The following MYH10 variants were observed in gnomAD, a reference collection of about 807,000 sequenced individuals.
MYH10 encodes myosin-10.
In MYH10, 55 loss-of-function variants were observed where a neutral mutation model predicts 257.8. That is an observed-to-expected ratio of 0.21 (90% CI 0.17 to 0.27). The LOEUF (loss-of-function observed/expected upper bound fraction) is 0.27, where lower values mean the gene tolerates loss of function less well. MYH10 is among the 10% of genes least tolerant of loss of function. The pLI, the probability that MYH10 is intolerant of heterozygous loss-of-function variation, is 1.00. For synonymous variants in MYH10, 854 were observed against 921.7 expected (o/e 0.93, Z 1.33); for missense variants, 1,631 against 2,500.6 (o/e 0.65, Z 7.42).
intron 7 of MYH10, among the ~76,000 whole-genome samples, chr17:8,556,977 A>G (rs1403783988): frequency 3.9e-5 from 6 of 152,130 alleles, no homozygotes; most frequent in African/African-American, 1.4e-4. Flanking sequence ...TCCCTATTAA[A>G]GTGAAAGCCG....
In MYH10 at chr17:8,493,802, C is replaced by G. The variant is rs142585848; in HGVS notation, c.4140G>C (p.Gln1380His). ...CCTCCTCCTCCTCCTCCTGCTGCTC[C>G]TGAAGACTGTTCTTCTCCTCTTCCA... ...RQLEEEKNSL[Q>H]EQQEEEEEAR... The change falls in exon 32 of 43, where the codon CAG becomes CAC. Residue 1380 changes from glutamine (Q) to histidine (H), a missense_variant. Gln to His is a conservative substitution (Grantham distance 24, BLOSUM62 0). This residue lies in a region of MYH10 where 463 missense variants were observed against 621.8 expected (regional missense o/e 0.74). Coordinates refer to ENST00000360416, the MANE Select transcript of MYH10 (RefSeq NM_001256012.3). The G allele has an allele frequency of 1.9e-4, 306 of 1,614,092 alleles. 1 individual carries two copies. The African/African-American group carries it at 3.7e-3, about 20-fold the overall frequency.
intron 2 of MYH10, among the ~76,000 whole-genome samples, 171 bp downstream of exon 2, chr17:8,622,731 G>T (rs774214193): frequency 2.0e-5 from 3 of 152,146 alleles, no homozygotes; most frequent in Non-Finnish European, 4.4e-5. Flanking sequence ...AAGATTCAAA[G>T]AAAAGCAAGA....
intron 2 of MYH10, among the ~76,000 whole-genome samples, chr17:8,607,609 A>T (rs1348684322): frequency 6.6e-6 from 1 of 152,240 alleles, no homozygotes; most frequent in African/African-American, 2.4e-5. Context: ...CTGATCACTG[A>T]ATAGATACTG....
In MYH10 at chr17:8,571,729, G is replaced by A. The variant is rs75899421; in HGVS notation, c.664-1917C>T. ...GCAGAGATCGCACCACTGCACTCCA[G>A]CCTGGGAGAAAGAGCGAGAGACTCA... On this transcript the variant is annotated intron_variant, in intron 6 of 42. Coordinates refer to ENST00000360416, the MANE Select transcript of MYH10 (RefSeq NM_001256012.3). 8.7e-3 allele frequency among the ~76,000 whole-genome samples: 1,330 copies of A among 152,052 alleles called. 16 individuals are homozygous for A. The highest frequency in any genetic ancestry group is 0.031 in the African/African-American group (1,275 of 41,488).
rs1241193869 is a variant in MYH10, at chr17:8,480,329, G to C, written c.5389-11C>G. ...GTTCAGTGTGTCCACCTAGAGAGGA[G>C]AGAGGAGTTTAGTCACTTGTGCCTG... On this transcript the variant is annotated splice_polypyrimidine_tract_variant and intron_variant, in intron 39 of 42. Transcript: ENST00000360416. 5.6e-6 allele frequency: 9 copies of C among 1,613,828 alleles called. No individual in the cohort carries two copies. The highest frequency in any genetic ancestry group is 1.1e-5 in the South Asian group (1 of 91,072).
In MYH10 at chr17:8,490,439, A is replaced by T; in HGVS notation, c.4785T>A (p.Arg1595=). 6.2e-7 allele frequency: 1 copy of T among 1,614,194 alleles called. No homozygotes were observed. Among genetic ancestry groups the T allele is most frequent in the Non-Finnish European group, 8.5e-7 (1 of 1,180,032 alleles). The change falls in exon 35 of 43, where the codon CGT becomes CGA. Residue 1595 remains arginine, a synonymous_variant. Coordinates refer to ENST00000360416, the MANE Select transcript of MYH10 (RefSeq NM_001256012.3). This position sits in a 1 kb window ranked among gnomAD's most constrained non-coding sequence, Gnocchi z 4.1. ...ELQATEDAKL[R]LEVNMQAMKA... is the part of the protein sequence containing the mutation. Reference sequence around the variant, plus strand: ...TCATGGCCTGCATGTTGACCTCCAGACGAAGCTTGGCATCTTCCGTGGCCT... The same window carrying T: ...TCATGGCCTGCATGTTGACCTCCAGTCGAAGCTTGGCATCTTCCGTGGCCT...
At chr17:8,479,794 T>C (rs7223720) in intron 40 of MYH10, among the ~76,000 whole-genome samples, 146,996 of 152,328 alleles carry the variant, frequency 0.96, 71,153 homozygotes, top group East Asian at 1. Flanking sequence ...TGGCAGCAAA[T>C]TAGCATTTCA....
chr17:8,522,103 C>T (rs769745434), intron 17 of MYH10, among the ~76,000 whole-genome samples: 34 of 152,174 alleles, frequency 2.2e-4, no homozygotes, highest in Non-Finnish European at 4.3e-4. Context: ...TGTACATATC[C>T]TCTTATTGAA....
At chr17:8,539,430 T>C (rs2082232796) in intron 14 of MYH10, among the ~76,000 whole-genome samples, 1 of 152,136 alleles carries the variant, frequency 6.6e-6, no homozygotes, top group African/African-American at 2.4e-5. Flanking sequence ...GAGCATCAGT[T>C]AGAGTCATAC....
rs117840360 is a variant in MYH10 at position 8,576,350 on chromosome 17, C to A, written c.663+293G>T. Among the ~76,000 whole-genome samples, 63 of 152,134 alleles carry A rather than the reference C, an allele frequency of 4.1e-4. No homozygotes were observed. The East Asian group carries it at 0.012, about 28-fold the overall frequency. ...TCTGATAAGTATTAAAATAATTCCA[C>A]CTAGTAAATGACATATGAAACCATA... On this transcript the variant is annotated intron_variant, in intron 6 of 42. Coordinates refer to ENST00000360416, the MANE Select transcript of MYH10 (RefSeq NM_001256012.3).
intron 7 of MYH10, chr17:8,560,343 C>T (rs2082946232): frequency 4.4e-5 from 10 of 225,866 alleles, no homozygotes; most frequent in South Asian, 3.7e-4. Context: ...TGTTATTTAC[C>T]GTATATTTAG....
chr17:8,479,014 G>A (rs1416300876), intron 40 of MYH10, among the ~76,000 whole-genome samples: 1 of 152,196 alleles, frequency 6.6e-6, no homozygotes, highest in African/African-American at 2.4e-5. Flanking sequence ...TTACAGCCGT[G>A]AGCCAGCGCA....
Position 8,495,258 on chromosome 17 carries a change from A to G in MYH10, c.3952-17T>C. 1 of 1,501,152 alleles carries G rather than the reference A, an allele frequency of 6.7e-7. No homozygotes were observed. Among genetic ancestry groups the G allele is most frequent in the Non-Finnish European group, 9.3e-7 (1 of 1,078,876 alleles). 93.0% of individuals were successfully genotyped at this position (1,501,152 alleles called of 1,614,324 possible). On this transcript the variant is annotated splice_polypyrimidine_tract_variant and intron_variant, in intron 30 of 42. Coordinates refer to ENST00000360416, the MANE Select transcript of MYH10 (RefSeq NM_001256012.3). ...TAGCTCATTCTGTAAGGAGCAGAAGATTAAATTCAACTCAATAGTAAGCAA... is the reference window on the plus strand; with the variant it reads ...TAGCTCATTCTGTAAGGAGCAGAAGGTTAAATTCAACTCAATAGTAAGCAA...
Position 8,495,143 on chromosome 17 carries a change from A to G in MYH10, c.4050T>C (p.Asp1350=), listed in dbSNP as rs752875996. Residue 1350 remains aspartate, a synonymous_variant, in exon 31 of 43, where the codon GAT becomes GAC. Coordinates refer to ENST00000360416, the MANE Select transcript of MYH10 (RefSeq NM_001256012.3). The stretch of plus-strand genomic sequence containing the variant: ...CTTGCTCCCCAGGGAATACCTGTGT[A>G]TCCTGTAGTTGAGACTCAAGACTAG... ...DAASLESQLQ[D]TQELLQEETR... 5 of 1,589,136 alleles carry G rather than the reference A, an allele frequency of 3.1e-6. No individual in the cohort carries two copies. Among genetic ancestry groups the G allele is most frequent in the African/African-American group, 1.3e-5 (1 of 74,532 alleles).
At position 8,535,746 on chromosome 17, in the gene MYH10, A is replaced by C. The variant is rs745902474; in HGVS notation, c.1779+12T>G. The C allele has an allele frequency of 1.2e-6, 2 of 1,608,542 alleles. No individual in the cohort carries two copies. The highest frequency in any genetic ancestry group is 1.7e-5 in the Admixed American group (1 of 59,192). On this transcript the variant is annotated intron_variant, in intron 15 of 42. Transcript: ENST00000360416. This position sits in a 1 kb window ranked among gnomAD's most constrained non-coding sequence, Gnocchi z 4.3. ...CCATTTTAATCCAGTTATTCAACAT[A>C]AGAGCTCTTACCTTCCCTGCATAAT... is the stretch of plus-strand genomic sequence containing the variant.
intron 31 of MYH10, 36 bp downstream of exon 31, chr17:8,495,100 TA>T: frequency 8.1e-7 from 1 of 1,232,750 alleles, no homozygotes; most frequent in Non-Finnish European, 1.2e-6. Flanking sequence ...ACAGAAATGT[TA>T]GTTATTATAA....
At chr17:8,566,077 TACCAACTAGATGCCAGTGGCAC>T (rs1327168126) in intron 7 of MYH10, among the ~76,000 whole-genome samples, 1 of 152,174 alleles carries the variant, frequency 6.6e-6, no homozygotes, top group Non-Finnish European at 1.5e-5. Context: ...CCTTGGCCTC[TACCAACTAGATGCCAGTGGCAC>T]ACCACTACCC....
In MYH10 at chr17:8,480,247, T is replaced by G; in HGVS notation, c.5460A>C (p.Gln1820His). ...AAQKSDNARQ[Q>H]LERQNKELKA... ...TCAGCTCCTTGTTCTGCCGCTCCAG[T>G]TGCTGGCGTGCATTGTCACTCTTCT... Residue 1820 changes from glutamine to histidine, a missense_variant, in exon 40 of 43, where the codon CAA becomes CAC. This residue lies in a region of MYH10 where 343 missense variants were observed against 389.5 expected (regional missense o/e 0.88). Coordinates refer to ENST00000360416, the MANE Select transcript of MYH10 (RefSeq NM_001256012.3). The G allele has an allele frequency of 6.2e-7, 1 of 1,614,114 alleles. No individual in the cohort carries two copies. The highest frequency in any genetic ancestry group is 8.5e-7 in the Non-Finnish European group (1 of 1,180,020).
At chr17:8,611,008 T>C (rs1030568551) in intron 2 of MYH10, among the ~76,000 whole-genome samples, 9 of 152,230 alleles carry the variant, frequency 5.9e-5, no homozygotes, top group African/African-American at 1.9e-4. Context: ...CTTTCTTAGA[T>C]AGATAATAGT....
Sources: gnomAD v4.1 joint callset for allele counts (sites outside exome capture counted in the v4.1 genomes callset) on GRCh38, gnomAD v4.1.1 for gene constraint, gnomAD v4.1.1 regional missense constraint, Gnocchi (gnomAD v3.1) non-coding constraint, MANE v1.5 for transcripts, NCBI Gene and HGNC (gene_info 2026-07-23, HGNC 2026-07-21) for gene names.